The following PTPRN2 variants were observed in gnomAD, a reference collection of about 807,000 sequenced individuals.
The protein encoded by PTPRN2 is receptor-type tyrosine-protein phosphatase N2.
In PTPRN2, 74 loss-of-function variants were observed where a neutral mutation model predicts 118.8. The observed-to-expected ratio is 0.62, with a 90% CI of 0.52 to 0.76. The LOEUF (loss-of-function observed/expected upper bound fraction) is 0.76. PTPRN2 is among the 30% of genes least tolerant of loss of function. The probability of loss-of-function intolerance (pLI) is 0.00; values close to 1 mark genes in which losing one functional copy is unlikely to be tolerated. For synonymous variants in PTPRN2, 641 were observed against 608.0 expected (o/e 1.05, Z -0.80); for missense variants, 1,481 against 1,394.4 (o/e 1.06, Z -0.99).
intron 2 of PTPRN2, among the ~76,000 whole-genome samples, chr7:158,327,436 C>G (rs111962373): frequency 6.6e-6 from 1 of 152,002 alleles, no homozygotes; most frequent in Non-Finnish European, 1.5e-5. Flanking sequence ...CACACACATT[C>G]TCACATGCAC....
At chr7:158,550,578 G>T (rs1826585987) in intron 1 of PTPRN2, among the ~76,000 whole-genome samples, 1 of 152,224 alleles carries the variant, frequency 6.6e-6, no homozygotes. Context: ...CCTGCCCGAG[G>T]CTCCCCGGGA....
At chr7:157,809,596 C>T (rs770456194) in intron 12 of PTPRN2, among the ~76,000 whole-genome samples, 7 of 152,142 alleles carry the variant, frequency 4.6e-5, no homozygotes, top group South Asian at 4.1e-4. Flanking sequence ...TTATCCAGTA[C>T]GGCCGGCATC....
intron 1 of PTPRN2, among the ~76,000 whole-genome samples, chr7:158,538,142 G>T (rs936929903): frequency 6.6e-6 from 1 of 152,240 alleles, no homozygotes; most frequent in African/African-American, 2.4e-5. Flanking sequence ...AAAGAGCACA[G>T]CTCGTGCACC....
chr7:158,429,148 G>A (rs1053408846), intron 2 of PTPRN2, among the ~76,000 whole-genome samples: 11 of 152,188 alleles, frequency 7.2e-5, no homozygotes, highest in African/African-American at 1.4e-4. Flanking sequence ...GATGTGTTTC[G>A]GAGGTGCCCT....
At chr7:157,544,877 C>CGTGTGTGGGTGTGTAGGT (rs1357998710) in intron 22 of PTPRN2, among the ~76,000 whole-genome samples, 3 of 150,888 alleles carry the variant, frequency 2.0e-5, no homozygotes, top group East Asian at 2.0e-4. Flanking sequence ...GGATGTGCAT[C>CGTGTGTGGGTGTGTAGGT]GTGTGTGGGT....
At chr7:157,819,630 G>A (rs958048792) in intron 12 of PTPRN2, among the ~76,000 whole-genome samples, 11 of 151,360 alleles carry the variant, frequency 7.3e-5, no homozygotes, top group African/African-American at 2.7e-4. Context: ...CCACGGCACA[G>A]CCCTCCCCAC....
Position 157,749,346 on chromosome 7 carries a change from G to T in PTPRN2, c.1789-66409C>A, listed in dbSNP as rs564021353. Among the ~76,000 whole-genome samples, 37 of 135,146 alleles carry T rather than the reference G, an allele frequency of 2.7e-4. 2 individuals carry two copies. Among genetic ancestry groups the T allele is most frequent in the Admixed American group, 2.0e-3 (25 of 12,788 alleles). 88.7% of individuals were successfully genotyped at this position (135,146 alleles called of 152,430 possible). On this transcript the variant is annotated intron_variant, in intron 12 of 22. Coordinates refer to ENST00000389418, the MANE Select transcript of PTPRN2 (RefSeq NM_002847.5). ...GGGTGATTCTGAGGCCTGCGTCCCT[G>T]AGCTACAGGCTGTTGAGGTGATTCT...
chr7:158,040,112 G>A (rs1019196639), intron 11 of PTPRN2, among the ~76,000 whole-genome samples: 1 of 152,024 alleles, frequency 6.6e-6, no homozygotes, highest in Non-Finnish European at 1.5e-5. Flanking sequence ...GAATATCCAA[G>A]GACTGTGGGA....
chr7:158,100,754 T>C (rs1480785659), intron 10 of PTPRN2, among the ~76,000 whole-genome samples: 1 of 152,228 alleles, frequency 6.6e-6, no homozygotes, highest in Non-Finnish European at 1.5e-5. Flanking sequence ...GGACTGTTTG[T>C]TTCTTGCTAA....
intron 3 of PTPRN2, among the ~76,000 whole-genome samples, chr7:158,252,265 G>C (rs111833791): frequency 6.6e-6 from 1 of 152,146 alleles, no homozygotes; most frequent in Non-Finnish European, 1.5e-5. Context: ...CAGAGCAGTC[G>C]CAGAAGCTCC....
At chr7:158,260,818 G>A (rs1797348788) in intron 3 of PTPRN2, among the ~76,000 whole-genome samples, 1 of 152,178 alleles carries the variant, frequency 6.6e-6, no homozygotes, top group South Asian at 2.1e-4. Context: ...TGACCCAGAA[G>A]CCAGGAGAGA....
At chr7:157,713,233 C>A (rs1443286022) in intron 12 of PTPRN2, among the ~76,000 whole-genome samples, 1 of 134,842 alleles carries the variant, frequency 7.4e-6, no homozygotes, top group Non-Finnish European at 1.6e-5. Context: ...CTCCTCCTAG[C>A]ACTGCATGGT....
At chr7:158,236,611 G>A (rs905600462) in intron 3 of PTPRN2, among the ~76,000 whole-genome samples, 3 of 152,180 alleles carry the variant, frequency 2.0e-5, no homozygotes, top group Non-Finnish European at 2.9e-5. Flanking sequence ...CCGTGAAGAC[G>A]TGATGGCACT....
intron 9 of PTPRN2, among the ~76,000 whole-genome samples, chr7:158,125,506 T>G (rs572560938): frequency 6.6e-6 from 1 of 152,318 alleles, no homozygotes; most frequent in South Asian, 2.1e-4. Flanking sequence ...CCCATGCCAC[T>G]CCTTCTCGCC....
At chr7:158,145,761 G>C (rs988795001) in intron 6 of PTPRN2, among the ~76,000 whole-genome samples, 5 of 152,164 alleles carry the variant, frequency 3.3e-5, no homozygotes, top group African/African-American at 1.2e-4. Flanking sequence ...TTGCAGCTAG[G>C]ACCTTAGACA....
chr7:158,065,987 G>A (rs6968490), intron 11 of PTPRN2, among the ~76,000 whole-genome samples: 2,529 of 152,276 alleles, frequency 0.017, 75 homozygotes, highest in African/African-American at 0.058. Flanking sequence ...ATCCTGCCCT[G>A]GCTCTCTAAC....
In PTPRN2 at chr7:157,648,613, G is replaced by A. The variant is rs9771413; in HGVS notation, c.2196+7744C>T. On this transcript the variant is annotated intron_variant, in intron 14 of 22. Coordinates refer to ENST00000389418, the MANE Select transcript of PTPRN2 (RefSeq NM_002847.5). ...ACTCGGTGGGTCGGACCCATCCAGCGTGCACTGAACTCGGTGGGTTGGACC... is the reference window on the plus strand; with the variant it reads ...ACTCGGTGGGTCGGACCCATCCAGCATGCACTGAACTCGGTGGGTTGGACC... 3.0e-3 allele frequency among the ~76,000 whole-genome samples: 403 copies of A among 132,628 alleles called. 3 individuals carry two copies. The highest frequency in any genetic ancestry group is 0.011 in the African/African-American group (382 of 35,958). 87.0% of individuals were successfully genotyped at this position (132,628 alleles called of 152,430 possible).
intron 9 of PTPRN2, among the ~76,000 whole-genome samples, chr7:158,116,599 G>A (rs1816748948): frequency 2.0e-5 from 3 of 152,252 alleles, no homozygotes; most frequent in African/African-American, 7.2e-5. Flanking sequence ...CAATCTCACT[G>A]CTGATTGCTG....
intron 12 of PTPRN2, among the ~76,000 whole-genome samples, chr7:157,793,271 T>G (rs2151080198): frequency 6.6e-6 from 1 of 152,130 alleles, no homozygotes; most frequent in Non-Finnish European, 1.5e-5. Flanking sequence ...AATTGTAAGG[T>G]TTTCTAAAGG....
Sources: allele counts gnomAD v4.1 joint callset (sites outside exome capture counted in the v4.1 genomes callset), GRCh38; gene constraint gnomAD v4.1.1; transcripts MANE v1.5; gene names NCBI Gene and HGNC (gene_info 2026-07-23, HGNC 2026-07-21).